Variants in ZNF665 observed in about 807,000 individuals in gnomAD.
The protein encoded by ZNF665 is zinc finger protein 665.
In ZNF665, 6 loss-of-function variants were observed where a neutral mutation model predicts 7.9. The observed-to-expected ratio is 0.76, with a 90% CI of 0.42 to 1.50. The LOEUF is 1.50. Among genes scored for constraint, ZNF665 ranks in the 40% most tolerant of loss-of-function variants. The probability of loss-of-function intolerance (pLI) is 0.01; values close to 1 mark genes in which losing one functional copy is unlikely to be tolerated. For missense variants in ZNF665, 819 were observed against 806.7 expected (o/e 1.02, Z -0.18); for synonymous variants, 242 against 274.5 (o/e 0.88, Z 1.17).
At chr19:53,188,854 C>T (rs548160482) in intron 1 of ZNF665, among the ~76,000 whole-genome samples, 29 of 151,994 alleles carry the variant, frequency 1.9e-4, no homozygotes, top group African/African-American at 6.0e-4. Flanking sequence ...CACATCACCA[C>T]GGCCAGCTAA....
At chr19:53,179,118 A>G (rs2090718201) in intron 2 of ZNF665, among the ~76,000 whole-genome samples, 1 of 152,216 alleles carries the variant, frequency 6.6e-6, no homozygotes, top group Admixed American at 6.5e-5. Flanking sequence ...TCATGCCTGT[A>G]ATCCCAGCAC....
intron 1 of ZNF665, among the ~76,000 whole-genome samples, chr19:53,183,498 G>A (rs2090753729): frequency 6.6e-6 from 1 of 152,042 alleles, no homozygotes. Context: ...TCCACTGAGA[G>A]GGGCCGAGCC....
At chr19:53,169,743 CTTA>C (rs2146845983) in intron 3 of ZNF665, among the ~76,000 whole-genome samples, 1 of 134,634 alleles carries the variant, frequency 7.4e-6, no homozygotes, top group Non-Finnish European at 1.5e-5. Context: ...TCCATGTGTT[CTTA>C]TTGTTCAATT....
In ZNF665 at chr19:53,175,509, G is replaced by A. The variant is rs1440135558; in HGVS notation, c.78C>T (p.Asp26=). The A allele has an allele frequency of 2.5e-6, 4 of 1,612,484 alleles. No individual in the cohort carries two copies. The highest frequency in any genetic ancestry group is 3.4e-6 in the Non-Finnish European group (4 of 1,179,548). ...CCCTGTACAAAGTCTTCTGAGCAGGGTCCAGGCATGTCCACTCCTCCTGAG... is the reference window on the plus strand; with the variant it reads ...CCCTGTACAAAGTCTTCTGAGCAGGATCCAGGCATGTCCACTCCTCCTGAG... ...EFSQEEWTCL[D]PAQKTLYRDV... Residue 26 remains aspartate (D), a synonymous_variant, in exon 3 of 4, where the codon GAC becomes GAT. Transcript: ENST00000396424.
rs1349336138 is a variant in ZNF665, at chr19:53,165,935, C to T, written c.555G>A (p.Lys185=). Residue 185 remains lysine (K), a synonymous_variant, in exon 4 of 4, where the codon AAG becomes AAA. Coordinates refer to ENST00000396424, the MANE Select transcript of ZNF665 (RefSeq NM_024733.5). ...TTAGCCGTGAGTTTTGACTGAAGAC[C>T]TTGCCACATTCATCACATTTATAAT... ...GKHYKCDECG[K]VFSQNSRLTS... 1.9e-6 allele frequency: 3 copies of T among 1,613,938 alleles called. No homozygotes were observed. The highest frequency in any genetic ancestry group is 2.5e-6 in the Non-Finnish European group (3 of 1,180,006).
At chr19:53,183,581 T>G (rs1599883742) in intron 1 of ZNF665, among the ~76,000 whole-genome samples, 1 of 136,196 alleles carries the variant, frequency 7.3e-6, no homozygotes, top group Non-Finnish European at 1.5e-5. Context: ...CAGTGGAAGG[T>G]GAAGCAGCAC....
At chr19:53,183,688 C>T (rs4803056) in intron 1 of ZNF665, among the ~76,000 whole-genome samples, 135,555 of 151,832 alleles carry the variant, frequency 0.89, 61,760 homozygotes, top group Non-Finnish European at 0.98. Context: ...CACGGAAGTC[C>T]CCACTGAGGA....
At chr19:53,179,318 G>A (rs1266306502) in intron 2 of ZNF665, among the ~76,000 whole-genome samples, 1 of 142,372 alleles carries the variant, frequency 7.0e-6, no homozygotes, top group Non-Finnish European at 1.5e-5. Flanking sequence ...GGGGCTTGCA[G>A]TGAGCCGAGA....
Position 53,164,133 on chromosome 19 carries a change from CTTTT to C in ZNF665, c.*316_*319del, listed in dbSNP as rs35735454. On this transcript the variant is annotated 3_prime_UTR_variant, in exon 4 of 4. Coordinates refer to ENST00000396424, the MANE Select transcript of ZNF665 (RefSeq NM_024733.5). Reference sequence around the variant, plus strand: ...CTGGCCGCACTCCTTTGTAAGGTTACTTTTTTTTTTTTTTTTTTTTTGGAGATGG... The same window carrying C: ...CTGGCCGCACTCCTTTGTAAGGTTACTTTTTTTTTTTTTTTTTGGAGATGG... 29 of 104,664 alleles carry C rather than the reference CTTTT, an allele frequency of 2.8e-4. No individual in the cohort carries two copies. Among genetic ancestry groups the C allele is most frequent in the South Asian group, 7.3e-4 (2 of 2,756 alleles). The allele number at this position is 104,664 out of a possible 1,614,324, so 6.5% of individuals were successfully genotyped here.
rs2090609778 is a variant in ZNF665 at position 53,165,896 on chromosome 19, T to G, written c.594A>C (p.Arg198Ser). The change falls in exon 4 of 4, where the codon AGA (arginine) becomes AGC (serine). Residue 198 changes from arginine to serine, a missense_variant. By Grantham distance (110) the Arg-to-Ser change is moderately radical (BLOSUM62 -1). Coordinates refer to ENST00000396424, the MANE Select transcript of ZNF665 (RefSeq NM_024733.5). Reference sequence around the variant, plus strand: ...GGTAAGGCTTCTCTCCAGTATGAATTCTCTTATGACTTGTTAGCCGTGAGT... The same window carrying G: ...GGTAAGGCTTCTCTCCAGTATGAATGCTCTTATGACTTGTTAGCCGTGAGT... ...SQNSRLTSHKRIHTGEKPYQC... is the reference protein window; with the variant it reads ...SQNSRLTSHKSIHTGEKPYQC... The G allele has an allele frequency of 6.2e-7, 1 of 1,614,194 alleles. No homozygotes were observed. The highest frequency in any genetic ancestry group is 8.5e-7 in the Non-Finnish European group (1 of 1,180,040).
intron 1 of ZNF665, among the ~76,000 whole-genome samples, chr19:53,185,446 G>A (rs1000762290): frequency 6.6e-6 from 1 of 152,070 alleles, no homozygotes; most frequent in Non-Finnish European, 1.5e-5. Context: ...ATTACAGAGG[G>A]AGGATTATTA....
chr19:53,174,958 A>AG (rs2090685375), intron 3 of ZNF665, among the ~76,000 whole-genome samples: 2 of 146,988 alleles, frequency 1.4e-5, no homozygotes, highest in East Asian at 4.0e-4. Context: ...AAAAAAAAAA[A>AG]AAAGAAAGAA....
intron 2 of ZNF665, among the ~76,000 whole-genome samples, chr19:53,176,385 T>C (rs2090698384): frequency 6.6e-6 from 1 of 152,090 alleles, no homozygotes; most frequent in South Asian, 2.1e-4. Flanking sequence ...GCTCCTTGAG[T>C]GGTGCACCCA....
chr19:53,167,756 C>T (rs1196938384), intron 3 of ZNF665, among the ~76,000 whole-genome samples: 1 of 148,594 alleles, frequency 6.7e-6, no homozygotes, highest in African/African-American at 2.5e-5. Context: ...AACAATTTCT[C>T]TTGAGAAAAG....
chr19:53,165,696 T>C lies in ZNF665; in HGVS notation c.794A>G (p.Asn265Ser). ...IHTGEKPYKCNECGKAFRAHS... is the reference protein window; with the variant it reads ...IHTGEKPYKCSECGKAFRAHS... ...TGCTCTAAAGGCTTTGCCACACTCA[T>C]TACACTTGTAAGGTTTCTCTCCAGT... The change falls in exon 4 of 4, where the codon AAT becomes AGT. Residue 265 changes from asparagine to serine, a missense_variant. Physicochemically the swap from Asn to Ser is conservative, Grantham distance 46. Transcript: ENST00000396424. The C allele has an allele frequency of 1.2e-6, 2 of 1,614,230 alleles. No individual in the cohort carries two copies. The highest frequency in any genetic ancestry group is 1.7e-6 in the Non-Finnish European group (2 of 1,180,038).
chr19:53,176,741 C>T (rs886233662), intron 2 of ZNF665, among the ~76,000 whole-genome samples: 8 of 152,182 alleles, frequency 5.3e-5, no homozygotes, highest in Admixed American at 1.3e-4. Flanking sequence ...CATATATCCA[C>T]GGCAGAACTG....
At chr19:53,177,799 A>C (rs777377046) in intron 2 of ZNF665, among the ~76,000 whole-genome samples, 9 of 152,222 alleles carry the variant, frequency 5.9e-5, no homozygotes, top group Admixed American at 2.6e-4. Context: ...GTAGTATTTT[A>C]AATCCTTTAC....
intron 3 of ZNF665, 115 bp downstream of exon 3, chr19:53,175,330 G>C (rs2090688545): frequency 7.6e-7 from 1 of 1,320,442 alleles, no homozygotes; most frequent in African/African-American, 1.5e-5. Context: ...TCATTTATGA[G>C]TCAACAGGAC....
chr19:53,166,884 G>A (rs2090619501), intron 3 of ZNF665, among the ~76,000 whole-genome samples: 1 of 152,134 alleles, frequency 6.6e-6, no homozygotes, highest in Non-Finnish European at 1.5e-5. Flanking sequence ...ATTTTAAAAT[G>A]TCAGAAAAAA....
Sources: gnomAD v4.1 joint callset for allele counts (sites outside exome capture counted in the v4.1 genomes callset) on GRCh38, gnomAD v4.1.1 for gene constraint, MANE v1.5 for transcripts, NCBI Gene and HGNC (gene_info 2026-07-23, HGNC 2026-07-21) for gene names.